NPHP1: variants seen among roughly 807,000 people sequenced by gnomAD.
NPHP1 encodes the protein nephrocystin-1.
Under a neutral mutation model 90.4 loss-of-function variants are expected in NPHP1, and 70 were observed. The ratio of observed to expected loss-of-function variants is 0.77; its 90% confidence interval spans 0.64 to 0.95. The LOEUF (loss-of-function observed/expected upper bound fraction) is 0.95, where lower values mean the gene tolerates loss of function less well. Among genes scored for constraint, NPHP1 ranks in the 40% least tolerant of loss-of-function variants. The pLI, the probability that NPHP1 is intolerant of heterozygous loss-of-function variation, is 0.00. For synonymous variants in NPHP1, 256 were observed against 271.7 expected (o/e 0.94, Z 0.57); for missense variants, 764 against 795.9 (o/e 0.96, Z 0.48).
intron 2 of NPHP1, among the ~76,000 whole-genome samples, chr2:110,180,523 G>A (rs887528753): frequency 1.8e-4 from 24 of 135,426 alleles, no homozygotes; most frequent in Admixed American, 1.4e-3. Flanking sequence ...GAATAACAAC[G>A]TTGATCCAAG....
intron 16 of NPHP1, among the ~76,000 whole-genome samples, chr2:110,141,921 C>T (rs542350487): frequency 1.4e-5 from 2 of 144,998 alleles, no homozygotes; most frequent in Non-Finnish European, 3.0e-5. Context: ...TGCAGTGAGC[C>T]GAGATGGTGC....
chr2:110,145,271 C>T (rs1000339778), intron 14 of NPHP1, among the ~76,000 whole-genome samples: 3 of 152,268 alleles, frequency 2.0e-5, no homozygotes, highest in African/African-American at 7.2e-5. Flanking sequence ...GAGGCAACTT[C>T]TGGGAACAGT....
chr2:110,155,427 C>A (rs975737344), intron 11 of NPHP1, among the ~76,000 whole-genome samples: 2 of 152,168 alleles, frequency 1.3e-5, no homozygotes, highest in African/African-American at 4.8e-5. Flanking sequence ...GGGCCACCAT[C>A]TTCCAGACCC....
chr2:110,131,289 T>C (rs1361477508), intron 17 of NPHP1, among the ~76,000 whole-genome samples: 4 of 152,174 alleles, frequency 2.6e-5, no homozygotes, highest in African/African-American at 9.7e-5. Context: ...CATTTGATAC[T>C]TATACTTCAT....
rs1014481889 is a variant in NPHP1, at chr2:110,123,456, G to T, written c.*335C>A. Reference sequence around the variant, plus strand: ...AATATGTTTTCCCATTCTGTAGGTTGTTTTTTTCACTTTCTTGAATAATCA... The same window carrying T: ...AATATGTTTTCCCATTCTGTAGGTTTTTTTTTTCACTTTCTTGAATAATCA... On this transcript the variant is annotated 3_prime_UTR_variant, in exon 20 of 20. Coordinates refer to ENST00000445609, the MANE Select transcript of NPHP1 (RefSeq NM_001128178.3). 2 of 205,492 alleles carry T rather than the reference G, an allele frequency of 9.7e-6. No homozygotes were observed. The highest frequency in any genetic ancestry group is 2.0e-5 in the Non-Finnish European group (2 of 101,982). The allele number at this position is 205,492 out of a possible 1,614,324, so 12.7% of individuals were successfully genotyped here.
chr2:110,128,058 T>C (rs1218999218), intron 18 of NPHP1: 1 of 152,170 alleles, frequency 6.6e-6, no homozygotes, highest in African/African-American at 2.4e-5. Context: ...ATATGTACCA[T>C]GAACATTTTC....
chr2:110,177,856 C>G (rs1272928458), intron 4 of NPHP1, among the ~76,000 whole-genome samples: 2 of 151,964 alleles, frequency 1.3e-5, no homozygotes, highest in Admixed American at 6.6e-5. Flanking sequence ...ATCCTCCTTG[C>G]CTCAGCCTCC....
rs577166171 is a variant in NPHP1 at position 110,173,895 on chromosome 2, C to T, written c.330-3897G>A. Among the ~76,000 whole-genome samples, 3 of 152,112 alleles carry T rather than the reference C, an allele frequency of 2.0e-5. No individual in the cohort carries two copies. The East Asian group carries it at 5.8e-4, about 29-fold the overall frequency. On this transcript the variant is annotated intron_variant, in intron 4 of 19. Transcript: ENST00000445609. Reference sequence around the variant, plus strand: ...AACTTTTGCTTTATACATTTGAACCCATATTATTAAATGTATACTCATTTA... The same window carrying T: ...AACTTTTGCTTTATACATTTGAACCTATATTATTAAATGTATACTCATTTA...
intron 2 of NPHP1, among the ~76,000 whole-genome samples, chr2:110,193,009 C>G (rs992873003): frequency 6.6e-6 from 1 of 152,058 alleles, no homozygotes; most frequent in Admixed American, 6.6e-5. Flanking sequence ...GAAGGAAGCA[C>G]TAAACATGGA....
chr2:110,162,214 C>T (rs1682396424), intron 9 of NPHP1, among the ~76,000 whole-genome samples: 1 of 152,074 alleles, frequency 6.6e-6, no homozygotes, highest in African/African-American at 2.4e-5. Context: ...ATGTCCCCTG[C>T]CCTCCATAGT....
intron 11 of NPHP1, among the ~76,000 whole-genome samples, chr2:110,158,321 GAT>G (rs1002700105): frequency 2.0e-5 from 3 of 152,038 alleles, no homozygotes; most frequent in South Asian, 2.1e-4. Flanking sequence ...CCAGTTTGTT[GAT>G]ATGTTATACA....
chr2:110,150,793 G>T (rs1311696202), intron 11 of NPHP1, among the ~76,000 whole-genome samples: 1 of 151,532 alleles, frequency 6.6e-6, no homozygotes, highest in African/African-American at 2.4e-5. Flanking sequence ...GAGGTGATCT[G>T]CCTGCCTCGG....
intron 14 of NPHP1, among the ~76,000 whole-genome samples, chr2:110,145,211 T>TAA (rs371620370): frequency 2.0e-3 from 312 of 152,266 alleles, no homozygotes; most frequent in African/African-American, 7.4e-3. Context: ...AAGAAGAAGG[T>TAA]AAAAGAGCCC....
At chr2:110,203,311 T>G (rs1172447218) in intron 1 of NPHP1, among the ~76,000 whole-genome samples, 1 of 152,068 alleles carries the variant, frequency 6.6e-6, no homozygotes, top group Non-Finnish European at 1.5e-5. Flanking sequence ...TTGGGTACTG[T>G]GCTCACTGCT....
intron 19 of NPHP1, 99 bp downstream of exon 19, chr2:110,125,538 A>G: frequency 8.0e-7 from 1 of 1,253,350 alleles, no homozygotes; most frequent in Middle Eastern, 1.8e-4. Flanking sequence ...AGGGATTATG[A>G]CTATGGCTAC....
At chr2:110,166,218 A>T (rs1198273834) in intron 6 of NPHP1, among the ~76,000 whole-genome samples, 2 of 152,194 alleles carry the variant, frequency 1.3e-5, no homozygotes, top group Non-Finnish European at 2.9e-5. Flanking sequence ...AAAGCTATAA[A>T]CCCTTTGAAC....
At chr2:110,157,159 A>G (rs1196145130) in intron 11 of NPHP1, among the ~76,000 whole-genome samples, 1 of 152,182 alleles carries the variant, frequency 6.6e-6, no homozygotes, top group Non-Finnish European at 1.5e-5. Context: ...CAGCTATTAA[A>G]TATGTTCCAT....
intron 11 of NPHP1, among the ~76,000 whole-genome samples, chr2:110,151,755 A>G: frequency 6.6e-6 from 1 of 152,040 alleles, no homozygotes; most frequent in East Asian, 1.9e-4. Context: ...TATAATTACT[A>G]CCTTGTGATT....
At chr2:110,126,698 A>G (rs1679394882) in intron 18 of NPHP1, 1 of 152,598 alleles carries the variant, frequency 6.6e-6, no homozygotes, top group Non-Finnish European at 1.5e-5. Flanking sequence ...AGGTAAGTAA[A>G]CTCTAGGAGG....
Sources: gnomAD v4.1 joint callset for allele counts (sites outside exome capture counted in the v4.1 genomes callset) on GRCh38, gnomAD v4.1.1 for gene constraint, MANE v1.5 for transcripts, NCBI Gene and HGNC (gene_info 2026-07-23, HGNC 2026-07-21) for gene names.